Variants in HEG1 observed in about 807,000 individuals in gnomAD.
HEG1 encodes protein HEG homolog 1.
A neutral mutation model predicts 125.6 loss-of-function variants in HEG1; 56 were observed. That is an observed-to-expected ratio of 0.45 (90% CI 0.36 to 0.56). The LOEUF is 0.56. Ranked by LOEUF, HEG1 falls within the 20% of genes least tolerant of loss-of-function variation. The pLI is 0.00. For synonymous variants in HEG1, 644 were observed against 668.5 expected, an observed-to-expected ratio of 0.96 and a Z score of 0.57; for missense variants, 1,523 against 1,670.0, an observed-to-expected ratio of 0.91 and a Z score of 1.53.
chr3:124,989,890 C>T (rs1936800805), intron 14 of HEG1, among the ~76,000 whole-genome samples: 1 of 152,254 alleles, frequency 6.6e-6, no homozygotes, highest in African/African-American at 2.4e-5. Flanking sequence ...ACTCCTCAGC[C>T]TGGTGATCCC....
In HEG1 at chr3:125,013,570, G is replaced by A; in HGVS notation, c.2009C>T (p.Ser670Phe). 2 of 1,596,118 alleles carry A rather than the reference G, an allele frequency of 1.3e-6. No homozygotes were observed. Among genetic ancestry groups the A allele is most frequent in the Non-Finnish European group, 1.7e-6 (2 of 1,171,554 alleles). ...CAGAGGCAAAGGAGGCCCTGAAGAA[G>A]AAGAAGAGGAGGAGGAGGAAGAGGA... ...SSSSSSSSSS[S>F]SSGPPLPLPS... The change falls in exon 6 of 17, where the codon TCT (serine) becomes TTT (phenylalanine). Residue 670 changes from serine to phenylalanine, a missense_variant. By Grantham distance (155) the Ser-to-Phe change is radical. Coordinates refer to ENST00000311127, the MANE Select transcript of HEG1 (RefSeq NM_020733.2).
chr3:124,981,218 A>G (rs1366938174), intron 14 of HEG1, among the ~76,000 whole-genome samples: 1 of 146,104 alleles, frequency 6.8e-6, no homozygotes, highest in African/African-American at 2.5e-5. Context: ...CAACTATCAT[A>G]AATTTCACTT....
chr3:125,021,165 A>C, intron 3 of HEG1, 35 bp from the exon 4 acceptor site: 1 of 1,469,818 alleles, frequency 6.8e-7, no homozygotes, highest in Non-Finnish European at 9.2e-7. Context: ...AAAATTACTC[A>C]GGAGTTTAAG....
chr3:125,034,944 A>G (rs1220061876), intron 1 of HEG1, among the ~76,000 whole-genome samples: 2 of 152,222 alleles, frequency 1.3e-5, no homozygotes, highest in Non-Finnish European at 2.9e-5. Context: ...AGGAGAAAAC[A>G]GAGAAAGTAG....
intron 1 of HEG1, among the ~76,000 whole-genome samples, chr3:125,031,069 G>A (rs1356295682): frequency 6.6e-6 from 1 of 152,180 alleles, no homozygotes; most frequent in Non-Finnish European, 1.5e-5. Flanking sequence ...TTCTGAGGAT[G>A]AAGTTAAAGT....
chr3:124,992,234 C>T (rs560276999), intron 12 of HEG1, among the ~76,000 whole-genome samples: 2 of 152,294 alleles, frequency 1.3e-5, no homozygotes, highest in East Asian at 1.9e-4. Flanking sequence ...ACTTTGAACC[C>T]TCGGGTGGTG....
chr3:125,007,174 G>A (rs1356754004), intron 8 of HEG1, among the ~76,000 whole-genome samples: 9 of 146,628 alleles, frequency 6.1e-5, no homozygotes, highest in Admixed American at 2.0e-4. Context: ...ACTCCAGCCT[G>A]GGCGACAGAG....
Position 125,012,969 on chromosome 3 carries a change from A to G in HEG1, c.2610T>C (p.Pro870=). Residue 870 remains proline, a synonymous_variant, in exon 6 of 17, where the codon CCT becomes CCC. Coordinates refer to ENST00000311127, the MANE Select transcript of HEG1 (RefSeq NM_020733.2). Reference sequence around the variant, plus strand: ...TTCCAGCTGTAGTCTGTACGGCTATAGGGCCAGTGACCAGAGATGCTGTGC... The same window carrying G: ...TTCCAGCTGTAGTCTGTACGGCTATGGGGCCAGTGACCAGAGATGCTGTGC... ...LSSTASLVTG[P]IAVQTTAGKQ... 6.2e-7 allele frequency: 1 copy of G among 1,614,058 alleles called. No homozygotes were observed. Among genetic ancestry groups the G allele is most frequent in the South Asian group, 1.1e-5 (1 of 91,086 alleles).
chr3:125,027,575 G>A (rs1251716642), intron 2 of HEG1, 68 bp from the exon 3 acceptor site: 11 of 1,320,676 alleles, frequency 8.3e-6, no homozygotes, highest in African/African-American at 1.5e-5. Flanking sequence ...TGCTTTTAGG[G>A]GGCTCAGTTC....
intron 1 of HEG1, 149 bp downstream of exon 1, chr3:125,055,426 C>T (rs1283974437): frequency 2.3e-6 from 1 of 428,992 alleles, no homozygotes; most frequent in Non-Finnish European, 3.6e-6. Flanking sequence ...CCCTACCCGC[C>T]GACCCTCAGG....
intron 5 of HEG1, among the ~76,000 whole-genome samples, chr3:125,015,802 C>G (rs61171818): frequency 2.7e-5 from 4 of 147,608 alleles, no homozygotes; most frequent in Non-Finnish European, 6.1e-5. Context: ...AAAAAAAAAC[C>G]CAAAAAACAA....
chr3:125,025,282 G>A (rs1258187680), intron 3 of HEG1, among the ~76,000 whole-genome samples: 2 of 152,224 alleles, frequency 1.3e-5, no homozygotes, highest in African/African-American at 4.8e-5. Context: ...CCCACGGGGA[G>A]GAGGGGAGGT....
At position 125,005,309 on chromosome 3, in the gene HEG1, T is replaced by C. The variant is rs775428852; in HGVS notation, c.3253A>G (p.Lys1085Glu). 42 of 1,602,538 alleles carry C rather than the reference T, an allele frequency of 2.6e-5. No homozygotes were observed. In the South Asian group the frequency reaches 4.4e-4, roughly 17 times the overall value. ...KRTFLNTTVEKHSDLQEVENE... is the reference protein window; with the variant it reads ...KRTFLNTTVEEHSDLQEVENE... ...TCAACTTCTTGTAGGTCTGAATGTT[T>C]TTCCACAGTTGTATTAAGAAAAGTT... Residue 1085 changes from lysine (K) to glutamate (E), a missense_variant, in exon 9 of 17, where the codon AAA (lysine) becomes GAA (glutamate). Transcript: ENST00000311127.
At chr3:124,997,346 A>C (rs1413603592) in intron 12 of HEG1, among the ~76,000 whole-genome samples, 2 of 152,202 alleles carry the variant, frequency 1.3e-5, no homozygotes, top group Non-Finnish European at 2.9e-5. Context: ...TTCCACTTTA[A>C]AAGATTAGCA....
intron 1 of HEG1, among the ~76,000 whole-genome samples, chr3:125,055,195 G>A (rs1462421858): frequency 6.6e-6 from 1 of 152,312 alleles, no homozygotes; most frequent in East Asian, 1.9e-4. Context: ...ACCTGGAGAG[G>A]CCAGTTCTGT....
chr3:125,016,946 C>T lies in HEG1; in HGVS notation c.1588+2316G>A, dbSNP rs368088619. 8.5e-5 allele frequency among the ~76,000 whole-genome samples: 13 copies of T among 152,256 alleles called. No homozygotes were observed. In the East Asian group the frequency reaches 2.5e-3, roughly 29 times the overall value. On this transcript the variant is annotated intron_variant, in intron 5 of 16. Coordinates refer to ENST00000311127, the MANE Select transcript of HEG1 (RefSeq NM_020733.2). ...AATTGGACTTCTTCAAATTTAAAAA[C>T]TTTTGTGCTACAAATGATTCCATCA...
chr3:125,013,826 T>C lies in HEG1; in HGVS notation c.1753A>G (p.Thr585Ala), dbSNP rs1445191276. 3 of 1,613,904 alleles carry C rather than the reference T, an allele frequency of 1.9e-6. No homozygotes were observed. In the South Asian group the frequency reaches 3.3e-5, roughly 18 times the overall value. Residue 585 changes from threonine (T) to alanine (A), a missense_variant, in exon 6 of 17, where the codon ACT becomes GCT. By Grantham distance (58) the Thr-to-Ala change is moderately conservative. Coordinates refer to ENST00000311127, the MANE Select transcript of HEG1 (RefSeq NM_020733.2). ...GAGTTTGAGATTTTAATATAAGAAG[T>C]TGAGCTCTCCACAATGTCTGAGGAT... ...SSSSDIVESS[T>A]SYIKISNSSH...
At chr3:125,050,005 C>T (rs1937767650) in intron 1 of HEG1, among the ~76,000 whole-genome samples, 1 of 152,148 alleles carries the variant, frequency 6.6e-6, no homozygotes, top group African/African-American at 2.4e-5. Flanking sequence ...TCTTCAATGA[C>T]TAGTTGATTT....
At position 125,003,419 on chromosome 3, in the gene HEG1, G is replaced by A. The variant is rs565007161; in HGVS notation, c.3298-1104C>T. ...AGCACGACCAACAGGCAGCTGTGGCGAAGGGACAAGTATAGGATTAGTAGA... is the reference window on the plus strand; with the variant it reads ...AGCACGACCAACAGGCAGCTGTGGCAAAGGGACAAGTATAGGATTAGTAGA... On this transcript the variant is annotated intron_variant, in intron 9 of 16. Transcript: ENST00000311127. Among the ~76,000 whole-genome samples, 9 of 152,332 alleles carry A rather than the reference G, an allele frequency of 5.9e-5. No homozygotes were observed. The South Asian group carries it at 1.5e-3, about 25-fold the overall frequency.
Sources: allele counts gnomAD v4.1 joint callset (sites outside exome capture counted in the v4.1 genomes callset), GRCh38; gene constraint gnomAD v4.1.1; transcripts MANE v1.5; gene names NCBI Gene and HGNC (gene_info 2026-07-23, HGNC 2026-07-21).